Variants in HPGDS observed in about 807,000 individuals in gnomAD.
HPGDS encodes the protein GST class-sigma.
A neutral mutation model predicts 23.1 loss-of-function variants in HPGDS; 26 were observed. The ratio of observed to expected loss-of-function variants is 1.13; its 90% CI spans 0.83 to 1.56. The LOEUF (loss-of-function observed/expected upper bound fraction) is 1.56, where lower values mean the gene tolerates loss of function less well. Among genes scored for constraint, HPGDS ranks in the 40% most tolerant of loss-of-function variants. HPGDS has a pLI of 0.00. For missense variants in HPGDS, 268 were observed against 236.4 expected (o/e 1.13, Z -0.88); for synonymous variants, 95 against 77.9 (o/e 1.22, Z -1.16).
intron 2 of HPGDS, among the ~76,000 whole-genome samples, chr4:94,328,784 C>G (rs942073444): frequency 2.6e-5 from 4 of 152,114 alleles, no homozygotes; most frequent in African/African-American, 9.7e-5. Context: ...CTTTCCCAAC[C>G]AGTGCCTTAG....
intron 2 of HPGDS, among the ~76,000 whole-genome samples, chr4:94,329,254 G>T (rs773705693): frequency 6.6e-6 from 1 of 152,074 alleles, no homozygotes; most frequent in Non-Finnish European, 1.5e-5. Context: ...ATAAATGAAG[G>T]GATGAAGTTA....
Position 94,334,649 on chromosome 4 carries a change from A to G in HPGDS, c.-9-11T>C. On this transcript the variant is annotated splice_polypyrimidine_tract_variant and intron_variant, in intron 1 of 5. Transcript: ENST00000295256. ...TGGCATGGTGCAATTCTGGAAAAAG[A>G]AAAAGGGAGGGATTATTTTAAGAGC... is the stretch of plus-strand genomic sequence containing the variant. The G allele has an allele frequency of 6.2e-7, 1 of 1,604,484 alleles. No homozygotes were observed. Among genetic ancestry groups the G allele is most frequent in the Non-Finnish European group, 8.5e-7 (1 of 1,177,208 alleles).
At chr4:94,313,783 C>T (rs1177012345) in intron 3 of HPGDS, among the ~76,000 whole-genome samples, 27 of 152,114 alleles carry the variant, frequency 1.8e-4, no homozygotes, top group African/African-American at 4.8e-4. Context: ...ACCAATCAGA[C>T]GTAGATTTGG....
chr4:94,329,400 G>C (rs1009760743), intron 2 of HPGDS, among the ~76,000 whole-genome samples: 2 of 152,140 alleles, frequency 1.3e-5, no homozygotes, highest in African/African-American at 4.8e-5. Flanking sequence ...ATCAGAGCAA[G>C]CTCAGAGAAT....
chr4:94,307,875 T>TA (rs1381298984), intron 4 of HPGDS, among the ~76,000 whole-genome samples: 1 of 152,164 alleles, frequency 6.6e-6, no homozygotes, highest in Non-Finnish European at 1.5e-5. Flanking sequence ...CATAGCCTAC[T>TA]AATCACAGGA....
In HPGDS at chr4:94,324,449, G is replaced by A. The variant is rs571683182; in HGVS notation, c.134-6484C>T. ...TAGTCGCATGTTTCTTGGAGACTTTGTTCATTTCTTTTTACTCTTTTCTCT... is the reference window on the plus strand; with the variant it reads ...TAGTCGCATGTTTCTTGGAGACTTTATTCATTTCTTTTTACTCTTTTCTCT... On this transcript the variant is annotated intron_variant, in intron 2 of 5. Transcript: ENST00000295256. 1.8e-4 allele frequency among the ~76,000 whole-genome samples: 28 copies of A among 152,204 alleles called. No individual in the cohort carries two copies. The South Asian group carries it at 5.2e-3, about 28-fold the overall frequency.
chr4:94,340,683 A>G (rs1578148551), intron 1 of HPGDS, among the ~76,000 whole-genome samples: 5 of 53,752 alleles, frequency 9.3e-5, no homozygotes, highest in South Asian at 7.1e-4. Context: ...TTTGAGACGG[A>G]GTTTTACTCT....
intron 4 of HPGDS, among the ~76,000 whole-genome samples, chr4:94,304,185 G>C (rs1193484121): frequency 6.6e-6 from 1 of 151,890 alleles, no homozygotes; most frequent in Non-Finnish European, 1.5e-5. Context: ...ATGACTTTTA[G>C]AGAGGTTCGT....
chr4:94,306,025 A>G (rs904974840), intron 4 of HPGDS, among the ~76,000 whole-genome samples: 15 of 152,106 alleles, frequency 9.9e-5, no homozygotes, highest in Admixed American at 4.6e-4. Flanking sequence ...GAGATAACAC[A>G]TAGAGCTGAG....
chr4:94,326,007 TATC>T (rs1349686516), intron 2 of HPGDS, among the ~76,000 whole-genome samples: 1 of 151,526 alleles, frequency 6.6e-6, no homozygotes, highest in Non-Finnish European at 1.5e-5. Context: ...ACTTTGAACA[TATC>T]ATTCCATTGT....
intron 3 of HPGDS, among the ~76,000 whole-genome samples, chr4:94,317,652 G>A (rs1411703422): frequency 6.6e-6 from 1 of 152,120 alleles, no homozygotes; most frequent in African/African-American, 2.4e-5. Flanking sequence ...CAGATGTAAG[G>A]CAGGAAAAGC....
chr4:94,317,342 A>C (rs978177913), intron 3 of HPGDS, among the ~76,000 whole-genome samples: 1 of 152,184 alleles, frequency 6.6e-6, no homozygotes, highest in Non-Finnish European at 1.5e-5. Context: ...TTTCTCTTCC[A>C]ATACCATGGG....
chr4:94,302,113 G>C (rs768852852), intron 5 of HPGDS, 33 bp downstream of exon 5: 12 of 1,485,494 alleles, frequency 8.1e-6, no homozygotes, highest in Non-Finnish European at 1.1e-5. Flanking sequence ...CCTTTTATTT[G>C]CTTGAATTTT....
chr4:94,301,604 G>C (rs10856908), intron 5 of HPGDS, among the ~76,000 whole-genome samples: 2 of 151,774 alleles, frequency 1.3e-5, no homozygotes, highest in Non-Finnish European at 2.9e-5. Flanking sequence ...CTCTATCTCC[G>C]TTCTCCCACA....
intron 2 of HPGDS, among the ~76,000 whole-genome samples, chr4:94,325,440 A>G (rs541497172): frequency 6.6e-6 from 1 of 152,308 alleles, no homozygotes; most frequent in South Asian, 2.1e-4. Flanking sequence ...GGCTCCACCC[A>G]GTTCAAGCTT....
intron 2 of HPGDS, among the ~76,000 whole-genome samples, chr4:94,323,418 AG>A (rs1464201453): frequency 2.6e-5 from 4 of 152,168 alleles, no homozygotes; most frequent in Non-Finnish European, 5.9e-5. Context: ...TAGGTCTCTA[AG>A]GACTTGGTTT....
intron 2 of HPGDS, among the ~76,000 whole-genome samples, chr4:94,321,166 G>C (rs368665040): frequency 6.6e-5 from 10 of 152,000 alleles, no homozygotes; most frequent in Admixed American, 3.3e-4. Context: ...GTTACTGTAG[G>C]CTTGTAGTAT....
chr4:94,316,041 AC>A (rs1232781244), intron 3 of HPGDS, among the ~76,000 whole-genome samples: 2 of 152,022 alleles, frequency 1.3e-5, no homozygotes, highest in Non-Finnish European at 2.9e-5. Flanking sequence ...TCCTTTTTTT[AC>A]CCAACAAATA....
rs80289050 is a variant in HPGDS at position 94,301,327 on chromosome 4, A to G, written c.435+819T>C. ...ACTACTAGGTGGTAGTGTGCCTAGTATCTGGTTGTCTAACTTTTTTGTGAT... is the reference window on the plus strand; with the variant it reads ...ACTACTAGGTGGTAGTGTGCCTAGTGTCTGGTTGTCTAACTTTTTTGTGAT... On this transcript the variant is annotated intron_variant, in intron 5 of 5. Coordinates refer to ENST00000295256, the MANE Select transcript of HPGDS (RefSeq NM_014485.3). 6.5e-3 allele frequency among the ~76,000 whole-genome samples: 993 copies of G among 152,278 alleles called. 4 individuals are homozygous for G. The highest frequency in any genetic ancestry group is 0.011 in the Non-Finnish European group (773 of 68,018).
Sources: gnomAD v4.1 joint callset for allele counts (sites outside exome capture counted in the v4.1 genomes callset) on GRCh38, gnomAD v4.1.1 for gene constraint, MANE v1.5 for transcripts, NCBI Gene and HGNC (gene_info 2026-07-23, HGNC 2026-07-21) for gene names.